The following CEMIP variants were observed in gnomAD, a reference collection of about 807,000 sequenced individuals.
The protein encoded by CEMIP is cell migration-inducing and hyaluronan-binding protein.
In CEMIP, 105 loss-of-function variants were observed where a neutral mutation model predicts 156.9. The observed-to-expected ratio is 0.67, with a 90% CI of 0.57 to 0.79. CEMIP has a LOEUF of 0.79. CEMIP is among the 30% of genes least tolerant of loss of function. The pLI is 0.00. For missense variants in CEMIP, 1,457 were observed against 1,769.4 expected, an observed-to-expected ratio of 0.82 and a Z score of 3.17; for synonymous variants, 676 against 668.4, an observed-to-expected ratio of 1.01 and a Z score of -0.17.
rs2141954327 is a variant in CEMIP, at chr15:80,933,449, T to C, written c.2998T>C (p.Cys1000Arg). Reference sequence around the variant, plus strand: ...CTGGAGAGGGGCCATTTGCAGTGGGTGCTATGCACAGGTGGGGACACCATT... The same window carrying C: ...CTGGAGAGGGGCCATTTGCAGTGGGCGCTATGCACAGGTGGGGACACCATT... ...PDWRGAICSG[C>R]YAQMYIQAYK... The change falls in exon 23 of 30, where the codon TGC (cysteine) becomes CGC (arginine). Residue 1000 changes from cysteine to arginine, a missense_variant. Cys to Arg is a radical substitution (Grantham distance 180). Transcript: ENST00000394685. 1 of 1,613,954 alleles carries C rather than the reference T, an allele frequency of 6.2e-7. No individual in the cohort carries two copies. The highest frequency in any genetic ancestry group is 8.5e-7 in the Non-Finnish European group (1 of 1,179,868).
At chr15:80,784,019 A>G (rs182197392) in intron 1 of CEMIP, among the ~76,000 whole-genome samples, 4 of 152,252 alleles carry the variant, frequency 2.6e-5, no homozygotes, top group African/African-American at 7.2e-5. Flanking sequence ...CCTGCAGGTG[A>G]GTGAGCCCTG....
At chr15:80,808,935 G>A (rs1429660195) in intron 1 of CEMIP, among the ~76,000 whole-genome samples, 3 of 152,164 alleles carry the variant, frequency 2.0e-5, no homozygotes, top group African/African-American at 4.8e-5. Context: ...GAATTGCAGA[G>A]AAATAGAAAG....
chr15:80,924,801 T>C, intron 18 of CEMIP, 95 bp downstream of exon 18: 1 of 1,094,064 alleles, frequency 9.1e-7, no homozygotes, highest in East Asian at 2.4e-5. Flanking sequence ...CCTGAGCATC[T>C]GTTGAGCCCT....
In CEMIP at chr15:80,933,454, T is replaced by G. The variant is rs1223674146; in HGVS notation, c.3003T>G (p.Tyr1001Ter). The change falls in exon 23 of 30, where the codon TAT becomes TAG. Residue 1001 changes from tyrosine (Y) to a stop codon, truncating the protein, a stop_gained. Coordinates refer to ENST00000394685, the MANE Select transcript of CEMIP (RefSeq NM_001293298.2). LOFTEE classifies it high-confidence loss of function. Reference protein sequence around the residue: ...DWRGAICSGCYAQMYIQAYKT... With the variant: ...DWRGAICSGC ...GAGGGGCCATTTGCAGTGGGTGCTA[T>G]GCACAGGTGGGGACACCATTCTGGG... 1.2e-6 allele frequency: 2 copies of G among 1,613,882 alleles called. No homozygotes were observed. The highest frequency in any genetic ancestry group is 1.7e-6 in the Non-Finnish European group (2 of 1,179,786).
chr15:80,895,547 C>T (rs1392144093), intron 11 of CEMIP, among the ~76,000 whole-genome samples: 1 of 152,052 alleles, frequency 6.6e-6, no homozygotes, highest in Non-Finnish European at 1.5e-5. Context: ...TTTATGGCTA[C>T]CGAAAATAAT....
Position 80,779,546 on chromosome 15 carries a change from A to T in CEMIP, c.-244A>T, listed in dbSNP as rs1421787190. 1 of 152,140 alleles carries T rather than the reference A, an allele frequency of 6.6e-6. No homozygotes were observed. The allele number at this position is 152,140 out of a possible 1,614,324, so 9.4% of individuals were successfully genotyped here. On this transcript the variant is annotated 5_prime_UTR_variant, in exon 1 of 30. Transcript: ENST00000394685. ...AGCTCGCGGCGCCTGGCGGTCAGCG[A>T]CCAGACGTCCGGGGCCGCTGCGCTC... is the stretch of plus-strand genomic sequence containing the variant.
intron 23 of CEMIP, among the ~76,000 whole-genome samples, chr15:80,934,602 CATT>C (rs1901045215): frequency 6.6e-6 from 1 of 152,132 alleles, no homozygotes; most frequent in Non-Finnish European, 1.5e-5. Context: ...ACAAGGCAGG[CATT>C]ATTATCACCA....
intron 1 of CEMIP, among the ~76,000 whole-genome samples, chr15:80,838,956 G>T (rs890308344): frequency 2.6e-5 from 4 of 152,194 alleles, no homozygotes; most frequent in Admixed American, 6.5e-5. Flanking sequence ...GTGCATGTTT[G>T]GTGCTGAGGT....
At position 80,807,506 on chromosome 15, in the gene CEMIP, T is replaced by G. The variant is rs140907569; in HGVS notation, c.-176+27892T>G. 2.8e-3 allele frequency among the ~76,000 whole-genome samples: 428 copies of G among 152,286 alleles called. 2 individuals carry two copies. Among genetic ancestry groups the G allele is most frequent in the African/African-American group, 8.6e-3 (358 of 41,550 alleles). ...TCCCAAAGTGTTGGGATTACAGACATGAGCCACCACACCTGGCCTGAGGAG... is the reference window on the plus strand; with the variant it reads ...TCCCAAAGTGTTGGGATTACAGACAGGAGCCACCACACCTGGCCTGAGGAG... On this transcript the variant is annotated intron_variant, in intron 1 of 29. Coordinates refer to ENST00000394685, the MANE Select transcript of CEMIP (RefSeq NM_001293298.2).
chr15:80,921,414 A>G (rs1375842660), intron 16 of CEMIP, among the ~76,000 whole-genome samples: 1 of 152,240 alleles, frequency 6.6e-6, no homozygotes, highest in Non-Finnish European at 1.5e-5. Context: ...TACCTGACAC[A>G]TCAGTGTTGT....
At chr15:80,865,306 T>C (rs780398139) in intron 1 of CEMIP, among the ~76,000 whole-genome samples, 4 of 152,210 alleles carry the variant, frequency 2.6e-5, no homozygotes, top group South Asian at 2.1e-4. Context: ...CTCAGCCTCC[T>C]GGGTAGCTGG....
chr15:80,826,341 C>T (rs1016444864), intron 1 of CEMIP, among the ~76,000 whole-genome samples: 2 of 152,184 alleles, frequency 1.3e-5, no homozygotes, highest in East Asian at 1.9e-4. Flanking sequence ...GCATAGTAAC[C>T]TTTAGTGGCC....
intron 1 of CEMIP, among the ~76,000 whole-genome samples, chr15:80,816,955 A>G (rs1703220410): frequency 6.6e-6 from 1 of 152,174 alleles, no homozygotes; most frequent in Admixed American, 6.5e-5. Context: ...ATATGCCTGA[A>G]CAGAGTAAAG....
intron 23 of CEMIP, among the ~76,000 whole-genome samples, chr15:80,934,345 T>C (rs1237180978): frequency 6.6e-6 from 1 of 152,210 alleles, no homozygotes; most frequent in Non-Finnish European, 1.5e-5. Context: ...AGTGGCCACA[T>C]GTCCAGTGCT....
rs562409712 is a variant in CEMIP, at chr15:80,928,928, C to A, written c.2447C>A (p.Thr816Asn). Reference protein sequence around the residue: ...CRFADNGIGLTLASGGTFPYD... With the variant: ...CRFADNGIGLNLASGGTFPYD... Reference sequence around the variant, plus strand: ...TTTGCTGACAATGGCATTGGCCTGACCCTGGCCAGGTAAGGGCAACTGTCA... The same window carrying A: ...TTTGCTGACAATGGCATTGGCCTGAACCTGGCCAGGTAAGGGCAACTGTCA... Residue 816 changes from threonine (T) to asparagine (N), a missense_variant, in exon 20 of 30, where the codon ACC becomes AAC. By Grantham distance (65) the Thr-to-Asn change is moderately conservative (BLOSUM62 0). Around this residue, in one of 5 missense-constraint regions of CEMIP, gnomAD observed 798 missense variants for 980.1 expected, o/e 0.81. Transcript: ENST00000394685. 6.2e-7 allele frequency: 1 copy of A among 1,614,196 alleles called. No individual in the cohort carries two copies. The highest frequency in any genetic ancestry group is 8.5e-7 in the Non-Finnish European group (1 of 1,180,042).
chr15:80,819,079 A>G (rs1896854363), intron 1 of CEMIP, among the ~76,000 whole-genome samples: 1 of 152,228 alleles, frequency 6.6e-6, no homozygotes, highest in Non-Finnish European at 1.5e-5. Context: ...ACATCTTTCT[A>G]GAGACCCTGA....
chr15:80,815,118 A>G (rs1483546396), intron 1 of CEMIP, among the ~76,000 whole-genome samples: 1 of 152,262 alleles, frequency 6.6e-6, no homozygotes, highest in Non-Finnish European at 1.5e-5. Context: ...AAAACCTGCC[A>G]TATATACCCT....
At chr15:80,833,673 CTT>C (rs34449516) in intron 1 of CEMIP, among the ~76,000 whole-genome samples, 91 of 132,722 alleles carry the variant, frequency 6.9e-4, no homozygotes, top group African/African-American at 1.9e-3. Flanking sequence ...TTTTTTTTTT[CTT>C]TTTTTTTTTT....
chr15:80,840,776 G>T (rs1264222540), intron 1 of CEMIP, among the ~76,000 whole-genome samples: 1 of 152,174 alleles, frequency 6.6e-6, no homozygotes, highest in Non-Finnish European at 1.5e-5. Context: ...AGTCCTAGGG[G>T]GTCCAGGACA....
Sources: allele counts gnomAD v4.1 joint callset (sites outside exome capture counted in the v4.1 genomes callset), GRCh38; gene constraint gnomAD v4.1.1; regional missense constraint gnomAD v4.1.1; transcripts MANE v1.5; gene names NCBI Gene and HGNC (gene_info 2026-07-23, HGNC 2026-07-21).